The following LZTFL1 variants were observed in gnomAD, a reference collection of about 807,000 sequenced individuals.
LZTFL1 encodes the protein leucine zipper transcription factor-like protein 1.
In LZTFL1, 25 loss-of-function variants were observed where a neutral mutation model predicts 45.9. The ratio of observed to expected loss-of-function variants is 0.54; its 90% CI spans 0.40 to 0.76. The LOEUF is 0.76. Among genes scored for constraint, LZTFL1 ranks in the 30% least tolerant of loss-of-function variants. The pLI, the probability that LZTFL1 is intolerant of heterozygous loss-of-function variation, is 0.00. For missense variants in LZTFL1, 277 were observed against 331.1 expected, an observed-to-expected ratio of 0.84 and a Z score of 1.27; for synonymous variants, 93 against 117.4, an observed-to-expected ratio of 0.79 and a Z score of 1.35.
chr3:45,915,550 G>T (rs1461269786), exon 1 of LZTFL1: 1 of 456,228 alleles, frequency 2.2e-6, no homozygotes, highest in African/African-American at 2.0e-5. Flanking sequence ...TGATTCTATG[G>T]ACCCACAGGC....
intron 2 of LZTFL1, among the ~76,000 whole-genome samples, chr3:45,884,738 C>G (rs1701935473): frequency 6.6e-6 from 1 of 152,212 alleles, no homozygotes; most frequent in Non-Finnish European, 1.5e-5. Flanking sequence ...TGCAATAGTG[C>G]GTGTCTCACC....
rs780915808 is a variant in LZTFL1 at position 45,901,040 on chromosome 3, C to T, written c.-215+12080G>A. 1.2e-6 allele frequency: 2 copies of T among 1,614,214 alleles called. No individual in the cohort carries two copies. The highest frequency in any genetic ancestry group is 2.2e-5 in the South Asian group (2 of 91,086). On this transcript the variant is annotated intron_variant, in intron 2 of 4. Transcript: ENST00000472635. The surrounding 1 kb of genome is among the most constrained non-coding windows in gnomAD (Gnocchi z 4.3). ...GCACAAGAGTGAAGACCATGACCGA[C>T]ATGTTCCTTTTGAATTTGGCAATTG...
At position 45,900,568 on chromosome 3, in the gene LZTFL1, T is replaced by G. The variant is rs559512640; in HGVS notation, c.-215+12552A>C. Among the ~76,000 whole-genome samples the G allele has an allele frequency of 6.6e-6, 1 of 152,220 alleles. No individual in the cohort carries two copies. Among genetic ancestry groups the G allele is most frequent in the Non-Finnish European group, 1.5e-5 (1 of 68,032 alleles). On this transcript the variant is annotated intron_variant, in intron 2 of 4. Transcript: ENST00000472635. This position sits in a 1 kb window ranked among gnomAD's most constrained non-coding sequence, Gnocchi z 4.7. Reference sequence around the variant, plus strand: ...CTGAGAGTGAAGCCACACATCTGACTTATTTATTATGGTTTCTTTGGCACA... The same window carrying G: ...CTGAGAGTGAAGCCACACATCTGACGTATTTATTATGGTTTCTTTGGCACA...
intron 2 of LZTFL1, among the ~76,000 whole-genome samples, chr3:45,883,443 A>G (rs1044407717): frequency 2.6e-5 from 4 of 152,194 alleles, no homozygotes; most frequent in African/African-American, 9.7e-5. Context: ...CAGTCTCACA[A>G]TTTCTTGGAC....
At chr3:45,898,759 C>A (rs954552318) in intron 2 of LZTFL1, among the ~76,000 whole-genome samples, 1 of 152,226 alleles carries the variant, frequency 6.6e-6, no homozygotes, top group Admixed American at 6.5e-5. Flanking sequence ...CCTCCACAAA[C>A]ACACACACAA....
At chr3:45,869,598 GC>G (rs897900965) in intron 2 of LZTFL1, among the ~76,000 whole-genome samples, 74 of 152,176 alleles carry the variant, frequency 4.9e-4, no homozygotes, top group African/African-American at 1.5e-3. Flanking sequence ...CCAACTCTGA[GC>G]CTACACCCCC....
Position 45,891,649 on chromosome 3 carries a change from C to G in LZTFL1, c.-215+21471G>C, listed in dbSNP as rs141167007. On this transcript the variant is annotated intron_variant, in intron 2 of 4. Coordinates refer to the LZTFL1 transcript ENST00000472635. ...AGCACTATCATCGAATTCACAGCAC[C>G]TATTGTAATGCCCTTAATTTCCCAG... Among the ~76,000 whole-genome samples the G allele has an allele frequency of 4.4e-3, 676 of 152,234 alleles. 8 individuals are homozygous for G. Among genetic ancestry groups the G allele is most frequent in the African/African-American group, 0.015 (641 of 41,534 alleles).
chr3:45,874,531 A>G (rs1169216180), intron 2 of LZTFL1, among the ~76,000 whole-genome samples: 1 of 152,112 alleles, frequency 6.6e-6, no homozygotes, highest in East Asian at 1.9e-4. Context: ...TCACCTCCTC[A>G]GAGAGGCCTT....
chr3:45,891,353 A>G lies in LZTFL1; in HGVS notation c.-215+21767T>C, dbSNP rs533001428. Among the ~76,000 whole-genome samples the G allele has an allele frequency of 7.8e-4, 119 of 152,368 alleles. 1 individual carries two copies. The highest frequency in any genetic ancestry group is 2.7e-3 in the African/African-American group (112 of 41,586). ...CTAATTTCAAGCTCACTGAAAAGTG[A>G]AAAATTGTGTAAAGAATGCTTATAA... On this transcript the variant is annotated intron_variant, in intron 2 of 4. Coordinates refer to the LZTFL1 transcript ENST00000472635.
intron 4 of LZTFL1, among the ~76,000 whole-genome samples, chr3:45,849,816 T>A (rs1701280865): frequency 6.6e-6 from 1 of 152,230 alleles, no homozygotes; most frequent in Admixed American, 6.5e-5. Context: ...TTATGTGATA[T>A]AATTTGGTTT....
intron 2 of LZTFL1, among the ~76,000 whole-genome samples, chr3:45,869,708 G>A (rs561883263): frequency 2.6e-4 from 40 of 152,208 alleles, no homozygotes; most frequent in African/African-American, 8.7e-4. Context: ...GGAATGATTC[G>A]TCTGTGTCTT....
intron 2 of LZTFL1, among the ~76,000 whole-genome samples, chr3:45,866,752 A>G (rs529930296): frequency 6.6e-6 from 1 of 152,366 alleles, no homozygotes; most frequent in South Asian, 2.1e-4. Flanking sequence ...AGCTTTGTGT[A>G]TACCACAGAA....
intron 1 of LZTFL1, among the ~76,000 whole-genome samples, chr3:45,841,520 T>C (rs182870494): frequency 7.4e-4 from 113 of 152,340 alleles, no homozygotes; most frequent in Middle Eastern, 6.8e-3. Context: ...CCTGCTCCTC[T>C]GGTTACCGCG....
chr3:45,908,584 G>A (rs547762201), intron 2 of LZTFL1, among the ~76,000 whole-genome samples: 4 of 152,188 alleles, frequency 2.6e-5, no homozygotes, highest in African/African-American at 9.6e-5. Context: ...AGGAGGTAGC[G>A]TTTGAGCTGA....
intron 2 of LZTFL1, among the ~76,000 whole-genome samples, chr3:45,897,313 A>G (rs1702387241): frequency 6.6e-6 from 1 of 152,144 alleles, no homozygotes; most frequent in Admixed American, 6.5e-5. Context: ...GTAAAATTCA[A>G]TCACTTAAAA....
rs144572508 is a variant in LZTFL1, at chr3:45,899,629, A to G, written c.-215+13491T>C. On this transcript the variant is annotated intron_variant, in intron 2 of 4. Transcript: ENST00000472635. ...TCAAGGAAAGGGAGTGAGAGCTGGTAGTCCCTGGTGGAATTTGGGAGTCCT... is the reference window on the plus strand; with the variant it reads ...TCAAGGAAAGGGAGTGAGAGCTGGTGGTCCCTGGTGGAATTTGGGAGTCCT... 1.0e-3 allele frequency among the ~76,000 whole-genome samples: 153 copies of G among 152,332 alleles called. No homozygotes were observed. The Middle Eastern group carries it at 0.014, about 14-fold the overall frequency.
chr3:45,895,311 C>T (rs1702317555), intron 2 of LZTFL1, among the ~76,000 whole-genome samples: 1 of 152,208 alleles, frequency 6.6e-6, no homozygotes, highest in Non-Finnish European at 1.5e-5. Flanking sequence ...TTTTAAAAAA[C>T]CCATGGTGGG....
chr3:45,886,686 A>G (rs932649078), intron 2 of LZTFL1: 1 of 152,230 alleles, frequency 6.6e-6, no homozygotes, highest in Non-Finnish European at 1.5e-5. Context: ...TGTTGCCCCC[A>G]ACCCAGTGTC....
At chr3:45,857,681 G>A (rs1701415877) in intron 3 of LZTFL1, among the ~76,000 whole-genome samples, 1 of 152,160 alleles carries the variant, frequency 6.6e-6, no homozygotes, top group African/African-American at 2.4e-5. Flanking sequence ...TAGAGATGTG[G>A]TTGGACAAAT....
Sources: allele counts gnomAD v4.1 joint callset (sites outside exome capture counted in the v4.1 genomes callset), GRCh38; gene constraint gnomAD v4.1.1; non-coding constraint Gnocchi (gnomAD v3.1); transcripts MANE v1.5; gene names NCBI Gene and HGNC (gene_info 2026-07-23, HGNC 2026-07-21).